The following RGS10 variants were observed in gnomAD, a reference collection of about 807,000 sequenced individuals.
The protein encoded by RGS10 is regulator of G protein signaling 10.
RGS10 carries 11 observed loss-of-function variants against 23.5 expected under a neutral mutation model. The ratio of observed to expected loss-of-function variants is 0.47; its 90% confidence interval spans 0.29 to 0.77. The LOEUF (loss-of-function observed/expected upper bound fraction) is 0.77, where lower values mean the gene tolerates loss of function less well. Ranked by LOEUF, RGS10 falls within the 30% of genes least tolerant of loss-of-function variation. The pLI, the probability that RGS10 is intolerant of heterozygous loss-of-function variation, is 0.08. For synonymous variants in RGS10, 77 were observed against 83.2 expected (o/e 0.92, Z 0.41); for missense variants, 180 against 226.3 (o/e 0.80, Z 1.31).
intron 4 of RGS10, among the ~76,000 whole-genome samples, chr10:119,510,934 G>C (rs1844070106): frequency 6.6e-6 from 1 of 152,090 alleles, no homozygotes; most frequent in African/African-American, 2.4e-5. Context: ...TAGCTAGGAT[G>C]GTCTCGATCT....
At chr10:119,529,458 C>T (rs754297846) in intron 1 of RGS10, among the ~76,000 whole-genome samples, 67 of 151,888 alleles carry the variant, frequency 4.4e-4, no homozygotes, top group South Asian at 1.0e-3. Context: ...CTGACTCAAA[C>T]GAAACAAAAC....
At chr10:119,507,560 A>G (rs1305822928) in intron 4 of RGS10, among the ~76,000 whole-genome samples, 2 of 147,964 alleles carry the variant, frequency 1.4e-5, no homozygotes, top group African/African-American at 5.0e-5. Flanking sequence ...GGCTGGGAGC[A>G]CTAGCATCTC....
intron 4 of RGS10, among the ~76,000 whole-genome samples, chr10:119,510,404 C>T (rs1362992918): frequency 6.6e-6 from 1 of 152,218 alleles, no homozygotes; most frequent in African/African-American, 2.4e-5. Flanking sequence ...CAGGTCCTCT[C>T]ATCCAGATCC....
Position 119,515,545 on chromosome 10 carries a change from T to C in RGS10, c.363A>G (p.Glu121=), listed in dbSNP as rs763756183. ...QSRLNEKILE[E]PHPLMFQKLQ... ...GTTTCTGGAACATCAGAGGGTGCGG[T>C]TCTTCCAGGATCTTCTCGTTGAGCC... Residue 121 remains glutamate, a synonymous_variant, in exon 4 of 5, where the codon GAA becomes GAG. Coordinates refer to ENST00000369103, the MANE Select transcript of RGS10 (RefSeq NM_001005339.2). 1.5e-5 allele frequency: 25 copies of C among 1,614,048 alleles called. No individual in the cohort carries two copies. The highest frequency in any genetic ancestry group is 1.9e-5 in the Non-Finnish European group (23 of 1,180,048).
At chr10:119,510,088 C>T (rs1256674119) in intron 4 of RGS10, among the ~76,000 whole-genome samples, 2 of 152,130 alleles carry the variant, frequency 1.3e-5, no homozygotes, top group South Asian at 2.1e-4. Context: ...AAGCCATCCG[C>T]CTTCTCTTGC....
intron 1 of RGS10, among the ~76,000 whole-genome samples, chr10:119,530,678 A>G (rs934461455): frequency 4.6e-5 from 7 of 152,214 alleles, no homozygotes; most frequent in African/African-American, 1.4e-4. Flanking sequence ...TACAAAACTT[A>G]GCTGGGCATA....
In RGS10 at chr10:119,527,440, C is replaced by T; in HGVS notation, c.50-16G>A. On this transcript the variant is annotated splice_polypyrimidine_tract_variant and intron_variant, in intron 1 of 4. Transcript: ENST00000369103. The surrounding 1 kb of genome is among the most constrained non-coding windows in gnomAD (Gnocchi z 4.2). ...TCGTGGATGTCTGCAAAGCAAAGTT[C>T]AGACTGCATATGTGGCCAACAGACA... The T allele has an allele frequency of 6.3e-7, 1 of 1,594,272 alleles. No homozygotes were observed. Among genetic ancestry groups the T allele is most frequent in the Non-Finnish European group, 8.6e-7 (1 of 1,161,872 alleles).
intron 4 of RGS10, among the ~76,000 whole-genome samples, chr10:119,505,297 T>C (rs1395332116): frequency 6.7e-6 from 1 of 149,378 alleles, no homozygotes; most frequent in Non-Finnish European, 1.5e-5. Context: ...AAAACTCAAG[T>C]TGGCGGCTGA....
intron 1 of RGS10, among the ~76,000 whole-genome samples, chr10:119,533,085 C>T (rs982690692): frequency 2.1e-5 from 3 of 143,886 alleles, no homozygotes; most frequent in Non-Finnish European, 4.5e-5. Flanking sequence ...AGGCCGGGCA[C>T]AGTGGCTCAC....
rs916892393 is a variant in RGS10, at chr10:119,524,838, G to A, written c.255+1194C>T. ...AGAATACTCCCTTGCCACCTCCAGA[G>A]AGGAAGGTGGTGGAGAAAAGGCCGC... On this transcript the variant is annotated intron_variant, in intron 3 of 4. Coordinates refer to ENST00000369103, the MANE Select transcript of RGS10 (RefSeq NM_001005339.2). The surrounding 1 kb of genome is among the most constrained non-coding windows in gnomAD (Gnocchi z 5.2). Among the ~76,000 whole-genome samples the A allele has an allele frequency of 6.6e-6, 1 of 152,220 alleles. No homozygotes were observed. The highest frequency in any genetic ancestry group is 1.5e-5 in the Non-Finnish European group (1 of 68,048).
chr10:119,536,677 C>G, intron 1 of RGS10: 1 of 577,956 alleles, frequency 1.7e-6, no homozygotes, highest in Non-Finnish European at 3.0e-6. Context: ...GAAATAAGAA[C>G]GCCAAACTGT....
intron 4 of RGS10, among the ~76,000 whole-genome samples, chr10:119,513,890 G>A (rs1844107909): frequency 6.6e-6 from 1 of 152,164 alleles, no homozygotes; most frequent in South Asian, 2.1e-4. Flanking sequence ...TGGACAAGAG[G>A]GAATCTGGCT....
intron 1 of RGS10, among the ~76,000 whole-genome samples, chr10:119,534,309 A>G (rs1171589041): frequency 3.6e-5 from 5 of 138,632 alleles, no homozygotes; most frequent in Non-Finnish European, 7.8e-5. Flanking sequence ...ATAAATAAAA[A>G]AGGCCAGGCA....
chr10:119,515,485 G>A (rs377084765), intron 4 of RGS10, 24 bp downstream of exon 4: 3 of 1,613,508 alleles, frequency 1.9e-6, no homozygotes, highest in Non-Finnish European at 1.7e-6. Flanking sequence ...TCAAATCAAG[G>A]TGCAGGCAGG....
At chr10:119,512,527 ATCTT>A (rs1481223633) in intron 4 of RGS10, among the ~76,000 whole-genome samples, 1 of 147,986 alleles carries the variant, frequency 6.8e-6, no homozygotes, top group Non-Finnish European at 1.5e-5. Context: ...AAGTTCGTGG[ATCTT>A]TCTCTCTATG....
chr10:119,507,151 G>A (rs566110719), intron 4 of RGS10, among the ~76,000 whole-genome samples: 3 of 152,188 alleles, frequency 2.0e-5, no homozygotes, highest in Non-Finnish European at 1.5e-5. Flanking sequence ...CCTTTCTAGC[G>A]GAGCATGCTG....
intron 4 of RGS10, among the ~76,000 whole-genome samples, chr10:119,508,376 C>T (rs921737806): frequency 6.6e-6 from 1 of 152,196 alleles, no homozygotes; most frequent in Non-Finnish European, 1.5e-5. Context: ...CAACCCCAAA[C>T]CCATGCCCTT....
Position 119,499,886 on chromosome 10 carries a change from ATC to A in RGS10, c.*225_*226del, listed in dbSNP as rs1356933165. 8 of 478,646 alleles carry A rather than the reference ATC, an allele frequency of 1.7e-5. No individual in the cohort carries two copies. Among genetic ancestry groups the A allele is most frequent in the African/African-American group, 5.9e-5 (3 of 50,462 alleles). The allele number at this position is 478,646 out of a possible 1,614,324, so 29.6% of individuals were successfully genotyped here. A position where few individuals can be genotyped will look rare whatever the true frequency, so the allele number is the denominator to read the frequency against. On this transcript the variant is annotated 3_prime_UTR_variant, in exon 5 of 5. Transcript: ENST00000369103. ...GCTCGACGTGTCCAGTGTTGAAGGA[ATC>A]TCTGTTTTGTAAACTAAAACTTCCA... is the stretch of plus-strand genomic sequence containing the variant.
chr10:119,514,665 A>C (rs1844120882), intron 4 of RGS10, among the ~76,000 whole-genome samples: 1 of 151,754 alleles, frequency 6.6e-6, no homozygotes. Context: ...ATTAAAAAAA[A>C]AAAAAAAAAA....
Sources: gnomAD v4.1 joint callset for allele counts (sites outside exome capture counted in the v4.1 genomes callset) on GRCh38, gnomAD v4.1.1 for gene constraint, Gnocchi (gnomAD v3.1) non-coding constraint, MANE v1.5 for transcripts, NCBI Gene and HGNC (gene_info 2026-07-23, HGNC 2026-07-21) for gene names.